The following FBXL17 variants were observed in gnomAD, a reference collection of about 807,000 sequenced individuals.
The protein encoded by FBXL17 is F-box and leucine rich repeat protein 17.
FBXL17 carries 22 observed loss-of-function variants against 66.2 expected under a neutral mutation model. The observed-to-expected ratio is 0.33, with a 90% confidence interval of 0.24 to 0.47. The LOEUF is 0.47. Among genes scored for constraint, FBXL17 ranks in the 20% least tolerant of loss-of-function variants. The probability of loss-of-function intolerance (pLI) is 1.00; values close to 1 mark genes in which losing one functional copy is unlikely to be tolerated. For synonymous variants in FBXL17, 474 were observed against 400.5 expected (o/e 1.18, Z -2.19); for missense variants, 878 against 948.2 (o/e 0.93, Z 0.97).
intron 4 of FBXL17, 112 bp downstream of exon 4, chr5:108,348,287 G>A (rs1181763455): frequency 1.1e-6 from 1 of 927,024 alleles, no homozygotes; most frequent in Non-Finnish European, 1.6e-6. Flanking sequence ...TTTTGATTAA[G>A]TAGTATTTGA....
intron 6 of FBXL17, among the ~76,000 whole-genome samples, chr5:108,073,461 C>T (rs1349723985): frequency 6.6e-6 from 1 of 151,584 alleles, no homozygotes; most frequent in East Asian, 1.9e-4. Flanking sequence ...TCTACAAGGA[C>T]CCAAATTGAA....
At chr5:108,302,555 A>C (rs1300447089) in intron 4 of FBXL17, among the ~76,000 whole-genome samples, 1 of 151,750 alleles carries the variant, frequency 6.6e-6, no homozygotes, top group Non-Finnish European at 1.5e-5. Flanking sequence ...AAGACTGAAA[A>C]ATTTCTTCTA....
intron 6 of FBXL17, 30 bp from the exon 7 acceptor site, chr5:108,021,031 T>C (rs777242963): frequency 1.9e-6 from 3 of 1,540,014 alleles, no homozygotes; most frequent in South Asian, 1.1e-5. Context: ...GTTATACTAA[T>C]GCGTTTCAAG....
rs946056677 is a variant in FBXL17, at chr5:108,209,486, C to T, written c.1614+14635G>A. ...CTTATTATTTTGAGATATGTTCCAT[C>T]GATACCTAGTTTTTTGAAAGTTTTT... is the stretch of plus-strand genomic sequence containing the variant. On this transcript the variant is annotated intron_variant, in intron 5 of 8. Transcript: ENST00000542267. Among the ~76,000 whole-genome samples, 7 of 152,206 alleles carry T rather than the reference C, an allele frequency of 4.6e-5. No homozygotes were observed. In the East Asian group the frequency reaches 9.6e-4, roughly 21 times the overall value.
chr5:107,887,215 A>C (rs931205613), intron 7 of FBXL17, among the ~76,000 whole-genome samples: 1 of 152,234 alleles, frequency 6.6e-6, no homozygotes, highest in African/African-American at 2.4e-5. Context: ...TTTCAAAACA[A>C]GGAGTAAAAA....
At chr5:107,985,706 T>C (rs943527780) in intron 7 of FBXL17, among the ~76,000 whole-genome samples, 2 of 152,188 alleles carry the variant, frequency 1.3e-5, no homozygotes, top group Non-Finnish European at 2.9e-5. Context: ...TGGCAACTAC[T>C]CCCAAAGGGA....
intron 7 of FBXL17, among the ~76,000 whole-genome samples, chr5:107,985,816 A>C (rs1752992026): frequency 6.6e-6 from 1 of 152,150 alleles, no homozygotes; most frequent in Non-Finnish European, 1.5e-5. Context: ...AATAAGTCAT[A>C]ATCTCTTTTG....
At chr5:107,980,491 A>G (rs1019915770) in intron 7 of FBXL17, among the ~76,000 whole-genome samples, 8 of 149,210 alleles carry the variant, frequency 5.4e-5, no homozygotes, top group Non-Finnish European at 1.0e-4. Flanking sequence ...TCATGCCACC[A>G]TGCCCAGCTA....
chr5:108,098,414 T>C (rs141229892), intron 6 of FBXL17, among the ~76,000 whole-genome samples: 1 of 152,114 alleles, frequency 6.6e-6, no homozygotes, highest in African/African-American at 2.4e-5. Flanking sequence ...TCCTTTCAAC[T>C]TTTTGGGTCA....
chr5:108,128,746 C>G (rs1002486293), intron 6 of FBXL17, among the ~76,000 whole-genome samples: 4 of 152,038 alleles, frequency 2.6e-5, no homozygotes, highest in African/African-American at 4.8e-5. Context: ...ATATAGATCA[C>G]TCAACACTAG....
intron 6 of FBXL17, among the ~76,000 whole-genome samples, chr5:108,117,117 C>G (rs1013387193): frequency 6.6e-6 from 1 of 152,180 alleles, no homozygotes; most frequent in Admixed American, 6.5e-5. Context: ...ATTTTAAATA[C>G]TTAAGGACAG....
At chr5:108,305,786 A>G (rs558533850) in intron 4 of FBXL17, among the ~76,000 whole-genome samples, 21 of 152,264 alleles carry the variant, frequency 1.4e-4, no homozygotes, top group African/African-American at 4.8e-4. Flanking sequence ...ACTGTTAGGT[A>G]GTCCTTTGAA....
At chr5:107,894,818 A>C (rs1329271443) in intron 7 of FBXL17, among the ~76,000 whole-genome samples, 2 of 152,122 alleles carry the variant, frequency 1.3e-5, no homozygotes, top group African/African-American at 4.8e-5. Flanking sequence ...TAAGAATCAG[A>C]ATTTCAGCTA....
At chr5:108,358,688 A>G (rs1484589466) in intron 3 of FBXL17, among the ~76,000 whole-genome samples, 1 of 152,108 alleles carries the variant, frequency 6.6e-6, no homozygotes, top group African/African-American at 2.4e-5. Context: ...GGCTAATGCT[A>G]GCCCCACAGA....
At chr5:108,277,777 C>A (rs1415582633) in intron 4 of FBXL17, among the ~76,000 whole-genome samples, 1 of 152,150 alleles carries the variant, frequency 6.6e-6, no homozygotes, top group East Asian at 1.9e-4. Context: ...TGAATAAAAG[C>A]AAGTCACATG....
At chr5:108,194,760 T>C (rs935062322) in intron 5 of FBXL17, among the ~76,000 whole-genome samples, 1 of 152,158 alleles carries the variant, frequency 6.6e-6, no homozygotes, top group Admixed American at 6.6e-5. Context: ...GGCTCTAACC[T>C]TGGCTCCAAG....
chr5:107,973,243 C>T (rs4582260), intron 7 of FBXL17, among the ~76,000 whole-genome samples: 20,574 of 152,134 alleles, frequency 0.14, 1,516 homozygotes, highest in East Asian at 0.2. Context: ...TGTTTTAGAG[C>T]AAGCTTGTCC....
intron 5 of FBXL17, among the ~76,000 whole-genome samples, chr5:108,194,156 T>C (rs1753582870): frequency 6.6e-6 from 1 of 152,166 alleles, no homozygotes; most frequent in Non-Finnish European, 1.5e-5. Context: ...TACCATTCCC[T>C]GAAATCTGTT....
intron 7 of FBXL17, among the ~76,000 whole-genome samples, chr5:107,888,912 T>G (rs1291634392): frequency 6.6e-6 from 1 of 152,230 alleles, no homozygotes; most frequent in African/African-American, 2.4e-5. Context: ...AAAAAACTGC[T>G]AAAGTGTTTT....
Sources: allele counts gnomAD v4.1 joint callset (sites outside exome capture counted in the v4.1 genomes callset), GRCh38; gene constraint gnomAD v4.1.1; transcripts MANE v1.5; gene names NCBI Gene and HGNC (gene_info 2026-07-23, HGNC 2026-07-21).